The following NBAS variants were observed in gnomAD, a reference collection of about 807,000 sequenced individuals.
The protein encoded by NBAS is NBAS subunit of NRZ tethering complex.
Under a neutral mutation model 302.5 loss-of-function variants are expected in NBAS, and 219 were observed. The ratio of observed to expected loss-of-function variants is 0.72; its 90% CI spans 0.65 to 0.81. NBAS has a LOEUF of 0.81. Ranked by LOEUF, NBAS falls within the 30% of genes least tolerant of loss-of-function variation. The probability of loss-of-function intolerance (pLI) is 0.00; values close to 1 mark genes in which losing one functional copy is unlikely to be tolerated. For missense variants in NBAS, 2,932 were observed against 2,841.6 expected (o/e 1.03, Z -0.72); for synonymous variants, 1,118 against 1,021.6 (o/e 1.09, Z -1.80).
At chr2:14,976,522 G>A in the NBAS span, among the ~76,000 whole-genome samples, 1 of 152,322 alleles carries the variant, frequency 6.6e-6, no homozygotes, top group South Asian at 2.1e-4. Flanking sequence ...TATACCCTGG[G>A]AGTAGTACCA....
chr2:15,277,846 T>G (rs557596520), intron 42 of NBAS, among the ~76,000 whole-genome samples: 6 of 152,266 alleles, frequency 3.9e-5, no homozygotes, highest in African/African-American at 1.4e-4. Context: ...GGGGTTAATT[T>G]TGGTCTTGTG....
At position 15,276,878 on chromosome 2, in the gene NBAS, G is replaced by A; in HGVS notation, c.5362C>T (p.Leu1788=). Residue 1788 remains leucine (L), a synonymous_variant, in exon 43 of 52, where the codon CTG becomes TTG. Coordinates refer to ENST00000281513, the MANE Select transcript of NBAS (RefSeq NM_015909.4). ...GATGCAACAACCTTAAACTTCTTCAGCAGTCGAATGTGGGTTTCTGGTTTA... is the reference window on the plus strand; with the variant it reads ...GATGCAACAACCTTAAACTTCTTCAACAGTCGAATGTGGGTTTCTGGTTTA... The part of the protein sequence containing the change: ...AIKPETHIRL[L]KKFKVVASGL... 5.6e-6 allele frequency: 9 copies of A among 1,614,020 alleles called. No individual in the cohort carries two copies. The highest frequency in any genetic ancestry group is 7.6e-6 in the Non-Finnish European group (9 of 1,179,942).
At chr2:15,254,547 T>C (rs10172570) in intron 44 of NBAS, among the ~76,000 whole-genome samples, 41,490 of 152,046 alleles carry the variant, frequency 0.27, 6,804 homozygotes, top group African/African-American at 0.46. Context: ...TTCTTCTAAG[T>C]TATTTTTAAA....
the NBAS span, among the ~76,000 whole-genome samples, chr2:15,011,995 A>T: frequency 6.6e-6 from 1 of 152,226 alleles, no homozygotes; most frequent in Non-Finnish European, 1.5e-5. Context: ...TCAACAGAGG[A>T]ACACATCAAA....
chr2:15,329,607 C>T (rs1055925224), intron 36 of NBAS, among the ~76,000 whole-genome samples: 2 of 152,180 alleles, frequency 1.3e-5, no homozygotes, highest in African/African-American at 4.8e-5. Context: ...CTACATGAGG[C>T]TCTCAATGAT....
the NBAS span, among the ~76,000 whole-genome samples, chr2:14,795,388 G>A: frequency 6.6e-6 from 1 of 151,752 alleles, no homozygotes; most frequent in African/African-American, 2.4e-5. Flanking sequence ...CTACCTATAT[G>A]CCTTCTTTGG....
chr2:15,130,059 T>C, the NBAS span, among the ~76,000 whole-genome samples: 1 of 152,226 alleles, frequency 6.6e-6, no homozygotes, highest in East Asian at 1.9e-4. Flanking sequence ...CATTAAGTAG[T>C]CACTCTTCAA....
the NBAS span, among the ~76,000 whole-genome samples, chr2:15,104,822 A>G: frequency 6.6e-6 from 1 of 151,974 alleles, no homozygotes; most frequent in Admixed American, 6.6e-5. Context: ...CTTTTTTTTA[A>G]TATGTTTGTT....
chr2:15,474,271 T>G lies in NBAS; in HGVS notation c.1395A>C (p.Glu465Asp). 6.2e-7 allele frequency: 1 copy of G among 1,613,960 alleles called. No homozygotes were observed. The highest frequency in any genetic ancestry group is 1.1e-5 in the South Asian group (1 of 91,070). ...CAGAATCCTCTTCTCCTTCATCTTC[T>G]TCTCCAGCTCTAGTCTCCAAACGAG... ...KRSRLETRAG[E>D]EDEGEEDSDS... Residue 465 changes from glutamate (E) to aspartate (D), a missense_variant, in exon 15 of 52, where the codon GAA (glutamate) becomes GAC (aspartate). Coordinates refer to ENST00000281513, the MANE Select transcript of NBAS (RefSeq NM_015909.4).
At chr2:14,909,218 G>T in the NBAS span, among the ~76,000 whole-genome samples, 1 of 151,372 alleles carries the variant, frequency 6.6e-6, no homozygotes, top group East Asian at 1.9e-4. Context: ...TACTCGTGAG[G>T]CTGAGGCAGG....
intron 29 of NBAS, 35 bp downstream of exon 29, chr2:15,383,180 A>C (rs1675123722): frequency 1.3e-6 from 2 of 1,497,560 alleles, no homozygotes; most frequent in African/African-American, 1.6e-5. Context: ...AAAATTGTTA[A>C]ATTAAAAAAA....
At chr2:15,268,755 A>G (rs1485691499) in intron 44 of NBAS, among the ~76,000 whole-genome samples, 2 of 152,208 alleles carry the variant, frequency 1.3e-5, no homozygotes. Flanking sequence ...AAACAAAGCC[A>G]CAGTCTCCAG....
At chr2:14,882,719 C>T in the NBAS span, among the ~76,000 whole-genome samples, 2 of 152,186 alleles carry the variant, frequency 1.3e-5, no homozygotes, top group Non-Finnish European at 2.9e-5. Context: ...CTGAGGACTA[C>T]ATTTTGTCTT....
chr2:15,030,791 T>A, the NBAS span, among the ~76,000 whole-genome samples: 1 of 152,208 alleles, frequency 6.6e-6, no homozygotes, highest in African/African-American at 2.4e-5. Context: ...CATGGTAGGA[T>A]GTAGAGCAGC....
intron 17 of NBAS, 95 bp from the exon 18 acceptor site, chr2:15,467,899 T>A: frequency 9.1e-7 from 1 of 1,094,954 alleles, no homozygotes; most frequent in Non-Finnish European, 1.3e-6. Context: ...CATTATTGAT[T>A]TCCACAAAAA....
chr2:14,795,833 A>G, the NBAS span, among the ~76,000 whole-genome samples: 1 of 152,202 alleles, frequency 6.6e-6, no homozygotes, highest in Non-Finnish European at 1.5e-5. Context: ...AGCCAAAAAT[A>G]TCTGCAGATA....
At chr2:15,463,549 A>C (rs1679596250) in intron 19 of NBAS, among the ~76,000 whole-genome samples, 1 of 152,050 alleles carries the variant, frequency 6.6e-6, no homozygotes. Flanking sequence ...AAAGTCCCTC[A>C]TTCCTTCTAT....
Position 15,551,477 on chromosome 2 carries a change from T to C in NBAS, c.379+16A>G. On this transcript the variant is annotated intron_variant, in intron 6 of 51. Coordinates refer to ENST00000281513, the MANE Select transcript of NBAS (RefSeq NM_015909.4). ...ATTTGAAATTTTCATTCTTTAAATA[T>C]TTTGGAAACTCTTACCTTGACATTT... 1 of 1,581,950 alleles carries C rather than the reference T, an allele frequency of 6.3e-7. No homozygotes were observed. The highest frequency in any genetic ancestry group is 1.7e-4 in the Middle Eastern group (1 of 5,994).
rs139382742 is a variant in NBAS, at chr2:15,513,733, A to T, written c.747-2383T>A. Among the ~76,000 whole-genome samples the T allele has an allele frequency of 3.9e-3, 598 of 152,124 alleles. 4 individuals are homozygous for T. The highest frequency in any genetic ancestry group is 6.8e-3 in the Non-Finnish European group (462 of 67,958). On this transcript the variant is annotated intron_variant, in intron 9 of 51. Coordinates refer to ENST00000281513, the MANE Select transcript of NBAS (RefSeq NM_015909.4). The stretch of plus-strand genomic sequence containing the variant: ...GTTGGATGCAGTGGCTCATGTCTGT[A>T]ATCCCAAAACTTTGGGAAGACAAGG...
Sources: allele counts gnomAD v4.1 joint callset (sites outside exome capture counted in the v4.1 genomes callset), GRCh38; gene constraint gnomAD v4.1.1; transcripts MANE v1.5; gene names NCBI Gene and HGNC (gene_info 2026-07-23, HGNC 2026-07-21).